The following CEP70 variants were observed in gnomAD, a reference collection of about 807,000 sequenced individuals.
CEP70 encodes the protein centrosomal protein of 70 kDa.
Under a neutral mutation model 90.9 loss-of-function variants are expected in CEP70, and 70 were observed. The ratio of observed to expected loss-of-function variants is 0.77; its 90% CI spans 0.64 to 0.94. The LOEUF is 0.94. Ranked by LOEUF, CEP70 falls within the 40% of genes least tolerant of loss-of-function variation. The pLI is 0.00. For synonymous variants in CEP70, 220 were observed against 228.3 expected, an observed-to-expected ratio of 0.96 and a Z score of 0.33; for missense variants, 648 against 669.0, an observed-to-expected ratio of 0.97 and a Z score of 0.35.
intron 6 of CEP70, among the ~76,000 whole-genome samples, chr3:138,548,907 G>A (rs1368104628): frequency 6.6e-6 from 1 of 152,202 alleles, no homozygotes; most frequent in Non-Finnish European, 1.5e-5. Context: ...TAGGAAAGGA[G>A]AGATTGTCCA....
chr3:138,525,523 T>C lies in CEP70; in HGVS notation c.911A>G (p.Lys304Arg), dbSNP rs1443209381. 1 of 1,423,630 alleles carries C rather than the reference T, an allele frequency of 7.0e-7. No homozygotes were observed. The highest frequency in any genetic ancestry group is 2.3e-5 in the Admixed American group (1 of 44,226). 88.2% of individuals were successfully genotyped at this position (1,423,630 alleles called of 1,614,324 possible). ...TTTCTTAAGGGCTTTTTCCAGCTTC[T>C]TCACCTGCTGTTTATAAAGTCTTAA... ...HELRLYKQQVKKLEKALKKNV... is the reference protein window; with the variant it reads ...HELRLYKQQVRKLEKALKKNV... Residue 304 changes from lysine (K) to arginine (R), a missense_variant, in exon 11 of 18, where the codon AAG becomes AGG. By Grantham distance (26) the Lys-to-Arg change is conservative (BLOSUM62 2). Coordinates refer to ENST00000264982, the MANE Select transcript of CEP70 (RefSeq NM_024491.4).
intron 3 of CEP70, among the ~76,000 whole-genome samples, chr3:138,572,369 C>T (rs1219155528): frequency 6.6e-6 from 1 of 152,108 alleles, no homozygotes; most frequent in Non-Finnish European, 1.5e-5. Flanking sequence ...AGTTTAACTA[C>T]GTGGTAGACA....
rs772124904 is a variant in CEP70 at position 138,494,993 on chromosome 3, G to A, written c.*22C>T. On this transcript the variant is annotated 3_prime_UTR_variant, in exon 18 of 18. Coordinates refer to ENST00000264982, the MANE Select transcript of CEP70 (RefSeq NM_024491.4). ...AAATGTTAAGAATACAATTTACACAGTAAAAATGATTTGATTTGTTTTCAG... is the reference window on the plus strand; with the variant it reads ...AAATGTTAAGAATACAATTTACACAATAAAAATGATTTGATTTGTTTTCAG... 36 of 1,270,130 alleles carry A rather than the reference G, an allele frequency of 2.8e-5. No homozygotes were observed. The highest frequency in any genetic ancestry group is 3.8e-4 in the Middle Eastern group (2 of 5,300). The allele number at this position is 1,270,130 out of a possible 1,614,324, so 78.7% of individuals were successfully genotyped here. A position where few individuals can be genotyped will look rare whatever the true frequency, so the allele number is the denominator to read the frequency against.
intron 13 of CEP70, among the ~76,000 whole-genome samples, chr3:138,504,937 C>T (rs1364094338): frequency 1.3e-5 from 2 of 151,934 alleles, no homozygotes; most frequent in Non-Finnish European, 1.5e-5. Context: ...CCAGGAAAAT[C>T]GCAGCATGGA....
chr3:138,563,857 T>TGAATCTAGCA (rs1560420181), intron 6 of CEP70, among the ~76,000 whole-genome samples: 1 of 151,904 alleles, frequency 6.6e-6, no homozygotes, highest in African/African-American at 2.4e-5. Flanking sequence ...ACAGCAGAAA[T>TGAATCTAGCA]GAAGGAGCTA....
rs904406921 is a variant in CEP70 at position 138,497,062 on chromosome 3, C to T, written c.1732+969G>A. ...GACAACACACTTATACAGTTTCATA[C>T]CTCATCTCAAGTTTAACTTTCAAAT... is the stretch of plus-strand genomic sequence containing the variant. On this transcript the variant is annotated intron_variant, in intron 17 of 17. Coordinates refer to ENST00000264982, the MANE Select transcript of CEP70 (RefSeq NM_024491.4). 4.7e-6 allele frequency: 5 copies of T among 1,052,820 alleles called. No homozygotes were observed. In the African/African-American group the frequency reaches 8.5e-5, roughly 18 times the overall value. 65.2% of individuals were successfully genotyped at this position (1,052,820 alleles called of 1,614,324 possible).
intron 2 of CEP70, among the ~76,000 whole-genome samples, chr3:138,580,873 T>G (rs903205413): frequency 6.6e-6 from 1 of 151,964 alleles, no homozygotes; most frequent in Non-Finnish European, 1.5e-5. Flanking sequence ...GAAATGCAAC[T>G]GACATAATGA....
In CEP70 at chr3:138,512,980, A is replaced by G. The variant is rs191384790; in HGVS notation, c.945-4436T>C. Among the ~76,000 whole-genome samples, 41 of 152,356 alleles carry G rather than the reference A, an allele frequency of 2.7e-4. No individual in the cohort carries two copies. In the East Asian group the frequency reaches 7.7e-3, roughly 29 times the overall value. ...AATCTTAGGACTTTCTAAGATAGTT[A>G]GTGATGAAAAGAAGGGTGGTTCACT... On this transcript the variant is annotated intron_variant, in intron 11 of 17. Coordinates refer to ENST00000264982, the MANE Select transcript of CEP70 (RefSeq NM_024491.4).
rs771174898 is a variant in CEP70, at chr3:138,537,247, C to T, written c.566G>A (p.Arg189His). 9.6e-5 allele frequency: 154 copies of T among 1,607,026 alleles called. No homozygotes were observed. The highest frequency in any genetic ancestry group is 2.0e-4 in the East Asian group (9 of 44,392). The change falls in exon 7 of 18, where the codon CGC becomes CAC. Residue 189 changes from arginine (R) to histidine (H), a missense_variant. By Grantham distance (29) the Arg-to-His change is conservative. Transcript: ENST00000264982. ...AAACACTCTGTTTTGAGTGACAATGCGATCTTCTTCCTCCTTTTTTAATCT... is the reference window on the plus strand; with the variant it reads ...AAACACTCTGTTTTGAGTGACAATGTGATCTTCTTCCTCCTTTTTTAATCT... ...VCRLKKEEED[R>H]IVTQNRVFAY...
At chr3:138,536,874 C>T (rs2038308267) in intron 7 of CEP70, 1 of 172,692 alleles carries the variant, frequency 5.8e-6, no homozygotes, top group South Asian at 2.0e-4. Flanking sequence ...ACAGCGATCT[C>T]TCAATAGTAT....
intron 11 of CEP70, among the ~76,000 whole-genome samples, chr3:138,521,974 A>G (rs2036698304): frequency 6.6e-6 from 1 of 152,230 alleles, no homozygotes; most frequent in Admixed American, 6.5e-5. Flanking sequence ...CTGTTAATCT[A>G]TAACCTTACC....
chr3:138,507,119 C>A (rs1015151208), intron 12 of CEP70, among the ~76,000 whole-genome samples: 4 of 152,116 alleles, frequency 2.6e-5, no homozygotes, highest in African/African-American at 9.7e-5. Flanking sequence ...TATACTGGTA[C>A]AAGAAAGTCT....
At chr3:138,581,985 C>T (rs890207137) in intron 2 of CEP70, among the ~76,000 whole-genome samples, 1 of 151,548 alleles carries the variant, frequency 6.6e-6, no homozygotes, top group Non-Finnish European at 1.5e-5. Flanking sequence ...AATGCTGAAG[C>T]AAAAAAAACT....
chr3:138,500,024 A>G, intron 16 of CEP70, 86 bp downstream of exon 16: 4 of 876,162 alleles, frequency 4.6e-6, no homozygotes, highest in South Asian at 1.4e-5. Flanking sequence ...CTCCCACATC[A>G]GCCTCCCAAG....
At chr3:138,541,418 GAAAAAGAAAAAGA>G (rs1361026066) in intron 6 of CEP70, among the ~76,000 whole-genome samples, 307 of 111,812 alleles carry the variant, frequency 2.7e-3, no homozygotes, top group African/African-American at 0.01. Flanking sequence ...AAAAGAAAAA[GAAAAAGAAAAAGA>G]AAAAAAAAAA....
intron 10 of CEP70, among the ~76,000 whole-genome samples, chr3:138,528,751 G>C (rs563666859): frequency 1.7e-4 from 6 of 34,948 alleles, no homozygotes; most frequent in Admixed American, 6.9e-4. Flanking sequence ...CAGCACTTTG[G>C]GGAGGCCAAG....
intron 6 of CEP70, among the ~76,000 whole-genome samples, chr3:138,543,604 C>T (rs1039438594): frequency 6.6e-6 from 1 of 152,198 alleles, no homozygotes; most frequent in Non-Finnish European, 1.5e-5. Context: ...CTGGGATCAC[C>T]TGTTCCTAGC....
At chr3:138,576,660 C>T (rs866811804) in intron 2 of CEP70, among the ~76,000 whole-genome samples, 4 of 152,292 alleles carry the variant, frequency 2.6e-5, no homozygotes, top group South Asian at 4.1e-4. Context: ...TTCTTCTCAG[C>T]ACCACATCAC....
chr3:138,546,614 T>G (rs2039225643), intron 6 of CEP70, among the ~76,000 whole-genome samples: 1 of 152,004 alleles, frequency 6.6e-6, no homozygotes, highest in Admixed American at 6.6e-5. Flanking sequence ...CTGGGCGTAG[T>G]GGTGGGTGCC....
Sources: allele counts gnomAD v4.1 joint callset (sites outside exome capture counted in the v4.1 genomes callset), GRCh38; gene constraint gnomAD v4.1.1; transcripts MANE v1.5; gene names NCBI Gene and HGNC (gene_info 2026-07-23, HGNC 2026-07-21).